PFKL: variants seen among roughly 807,000 people sequenced by gnomAD.
PFKL encodes ATP-dependent 6-phosphofructokinase, liver type.
In PFKL, 74 loss-of-function variants were observed where a neutral mutation model predicts 92.1. That is an observed-to-expected ratio of 0.80 (90% CI 0.67 to 0.97). PFKL has a LOEUF of 0.97. Ranked by LOEUF, PFKL falls within the 50% of genes least tolerant of loss-of-function variation. The probability of loss-of-function intolerance (pLI) is 0.00; values close to 1 mark genes in which losing one functional copy is unlikely to be tolerated. For missense variants in PFKL, 1,028 were observed against 1,116.6 expected (o/e 0.92, Z 1.13); for synonymous variants, 494 against 456.4 (o/e 1.08, Z -1.05).
rs1181313564 is a variant in PFKL, at chr21:44,312,355, G to A, written c.427+61G>A. The A allele has an allele frequency of 1.7e-5, 25 of 1,431,228 alleles. No homozygotes were observed. The South Asian group carries it at 1.9e-4, about 11-fold the overall frequency. 88.7% of individuals were successfully genotyped at this position (1,431,228 alleles called of 1,614,324 possible). ...TTTTGTTTTGCCGCTGCTGCCAGGCGTGGGAATGGGCAGGACAGAGGGACG... is the reference window on the plus strand; with the variant it reads ...TTTTGTTTTGCCGCTGCTGCCAGGCATGGGAATGGGCAGGACAGAGGGACG... On this transcript the variant is annotated intron_variant, in intron 4 of 21. Transcript: ENST00000349048.
At chr21:44,300,285 T>G in intron 1 of PFKL, 95 bp downstream of exon 1, 1 of 511,748 alleles carries the variant, frequency 2.0e-6, no homozygotes, top group Non-Finnish European at 2.6e-6. Context: ...GGGACCCGGG[T>G]CTCGGGCCGG....
chr21:44,326,445 CACA>C (rs2047512348), intron 21 of PFKL, among the ~76,000 whole-genome samples, 181 bp downstream of exon 21: 1 of 152,154 alleles, frequency 6.6e-6, no homozygotes, highest in Non-Finnish European at 1.5e-5. Flanking sequence ...GTCTTCTGAG[CACA>C]ACACTGGGCA....
chr21:44,306,956 A>T (rs150633090), intron 2 of PFKL, among the ~76,000 whole-genome samples: 1,726 of 152,152 alleles, frequency 0.011, 27 homozygotes, highest in African/African-American at 0.029. Flanking sequence ...CTGCCTTGGG[A>T]CTCAGCCCGG....
At position 44,318,642 on chromosome 21, in the gene PFKL, A is replaced by G. The variant is rs914397756; in HGVS notation, c.1062+47A>G. ...TCAGAACCGCCTGGCCCCTCTCCCC[A>G]GTCCCCACTCACAGGCCCCACTGCT... On this transcript the variant is annotated intron_variant, in intron 10 of 21. Transcript: ENST00000349048. 4 of 1,407,224 alleles carry G rather than the reference A, an allele frequency of 2.8e-6. No homozygotes were observed. In the African/African-American group the frequency reaches 4.4e-5, roughly 15 times the overall value. The allele number at this position is 1,407,224 out of a possible 1,614,324, so 87.2% of individuals were successfully genotyped here.
intron 16 of PFKL, among the ~76,000 whole-genome samples, chr21:44,324,233 A>G (rs187610483): frequency 3.3e-5 from 5 of 152,000 alleles, no homozygotes; most frequent in South Asian, 2.1e-4. Context: ...TGCCAGGGAC[A>G]CCCCTGCCCA....
In PFKL at chr21:44,300,159, C is replaced by A; in HGVS notation, c.54C>A (p.Ile18=). The part of the protein sequence containing the change: ...KLRASGAGKA[I]GVLTSGGDAQ... ...GGGCGTCGGGCGCGGGCAAGGCCAT[C>A]GGCGTCCTGACCAGCGGCGGCGACG... The change falls in exon 1 of 22, where the codon ATC becomes ATA. Residue 18 remains isoleucine, a synonymous_variant. Transcript: ENST00000349048. 1.7e-6 allele frequency: 2 copies of A among 1,185,890 alleles called. No homozygotes were observed. Among genetic ancestry groups the A allele is most frequent in the South Asian group, 1.9e-5 (1 of 52,296 alleles). 73.5% of individuals were successfully genotyped at this position (1,185,890 alleles called of 1,614,324 possible). A position where few individuals can be genotyped will look rare whatever the true frequency, so the allele number is the denominator to read the frequency against.
intron 14 of PFKL, 126 bp from the exon 15 acceptor site, chr21:44,322,836 C>T (rs116479253): frequency 8.5e-5 from 52 of 608,588 alleles, no homozygotes; most frequent in African/African-American, 1.5e-4. Context: ...CGCCACATCC[C>T]GGGCATTGCA....
intron 1 of PFKL, among the ~76,000 whole-genome samples, chr21:44,303,898 C>T (rs1048182969): frequency 1.1e-4 from 17 of 152,176 alleles, no homozygotes; most frequent in South Asian, 4.2e-4. Context: ...ACTGCGGTGT[C>T]GGCGACTGCT....
intron 15 of PFKL, among the ~76,000 whole-genome samples, chr21:44,323,480 C>T (rs1184887233): frequency 6.6e-6 from 1 of 152,164 alleles, no homozygotes. Flanking sequence ...GAATAAATGA[C>T]AGCCCTTCCC....
chr21:44,300,201 G>C lies in PFKL; in HGVS notation c.85+11G>C. On this transcript the variant is annotated intron_variant, in intron 1 of 21. Coordinates refer to ENST00000349048, the MANE Select transcript of PFKL (RefSeq NM_002626.6). ...GCGGCGACGCGCAAGGTGGGCGGGG[G>C]TCCCGGCCGCGTCGCGGCGCAGGGG... 9.2e-7 allele frequency: 1 copy of C among 1,089,118 alleles called. No homozygotes were observed. The highest frequency in any genetic ancestry group is 1.1e-6 in the Non-Finnish European group (1 of 896,926). The allele number at this position is 1,089,118 out of a possible 1,614,324, so 67.5% of individuals were successfully genotyped here.
intron 5 of PFKL, 101 bp from the exon 6 acceptor site, chr21:44,313,537 C>T: frequency 3.5e-6 from 4 of 1,134,800 alleles, no homozygotes; most frequent in East Asian, 2.6e-5. Flanking sequence ...TGTCCCCTGC[C>T]TGCCTCTCCA....
chr21:44,300,308 C>G (rs2040733775), intron 1 of PFKL, 118 bp downstream of exon 1: 1 of 287,148 alleles, frequency 3.5e-6, no homozygotes, highest in Non-Finnish European at 5.1e-6. Context: ...CGGCCTCCCG[C>G]CCCGGCCTCC....
chr21:44,311,227 C>T, intron 3 of PFKL, 144 bp downstream of exon 3: 1 of 621,842 alleles, frequency 1.6e-6, no homozygotes, highest in East Asian at 2.9e-5. Context: ...CACACAGACG[C>T]ACACACACAC....
chr21:44,316,603 C>G (rs965243017), intron 9 of PFKL, 79 bp downstream of exon 9: 1 of 1,067,868 alleles, frequency 9.4e-7, no homozygotes, highest in African/African-American at 1.6e-5. Context: ...AGTGTGCACG[C>G]GAGCATGGCA....
chr21:44,311,323 C>T (rs1602013437), intron 3 of PFKL, among the ~76,000 whole-genome samples: 1 of 138,194 alleles, frequency 7.2e-6, no homozygotes, highest in Admixed American at 6.8e-5. Context: ...TGCACAGACA[C>T]ACACAGACAT....
chr21:44,326,216 C>T lies in PFKL; in HGVS notation c.2147C>T (p.Ala716Val), dbSNP rs371443517. 22 of 1,612,816 alleles carry T rather than the reference C, an allele frequency of 1.4e-5. No individual in the cohort carries two copies. The highest frequency in any genetic ancestry group is 4.4e-5 in the South Asian group (4 of 91,018). The stretch of plus-strand genomic sequence containing the variant: ...TGCGTGATCGGCCTGAAGAAGAAGG[C>T]GGTGGCCTTCAGCCCCGTCACTGAG... ...SACVIGLKKK[A>V]VAFSPVTELK... Residue 716 changes from alanine (A) to valine (V), a missense_variant, in exon 21 of 22, where the codon GCG (alanine) becomes GTG (valine). Ala to Val is a moderately conservative substitution (Grantham distance 64, BLOSUM62 0). Transcript: ENST00000349048.
intron 3 of PFKL, 116 bp from the exon 4 acceptor site, chr21:44,311,989 T>C (rs988364289): frequency 1.2e-6 from 1 of 806,112 alleles, no homozygotes; most frequent in African/African-American, 1.8e-5. Context: ...CTTCTGCCTC[T>C]CACTCTGCAG....
chr21:44,325,311 C>T (rs1474289864), intron 19 of PFKL, 47 bp downstream of exon 19: 1 of 1,290,208 alleles, frequency 7.8e-7, no homozygotes, highest in Admixed American at 1.7e-5. Context: ...CTCTTTCCTG[C>T]CACCATCTGT....
chr21:44,317,419 C>G (rs1170888298), intron 9 of PFKL, among the ~76,000 whole-genome samples: 1 of 152,220 alleles, frequency 6.6e-6, no homozygotes, highest in Admixed American at 6.5e-5. Flanking sequence ...CTGCTGTCCC[C>G]TCTGTGAGGC....
Sources: gnomAD v4.1 joint callset for allele counts (sites outside exome capture counted in the v4.1 genomes callset) on GRCh38, gnomAD v4.1.1 for gene constraint, MANE v1.5 for transcripts, NCBI Gene and HGNC (gene_info 2026-07-23, HGNC 2026-07-21) for gene names.